ANKFN1: variants seen among roughly 807,000 people sequenced by gnomAD.
The protein encoded by ANKFN1 is ankyrin repeat and fibronectin type III domain containing 1, also known as ankyrin repeat and fibronectin type-III domain-containing protein 1.
ANKFN1 carries 74 observed loss-of-function variants against 108.7 expected under a neutral mutation model. That is an observed-to-expected ratio of 0.68 (90% CI 0.56 to 0.83). The LOEUF (loss-of-function observed/expected upper bound fraction) is 0.83, where lower values mean the gene tolerates loss of function less well. Among genes scored for constraint, ANKFN1 ranks in the 40% least tolerant of loss-of-function variants. The probability of loss-of-function intolerance (pLI) is 0.00; values close to 1 mark genes in which losing one functional copy is unlikely to be tolerated. For synonymous variants in ANKFN1, 547 were observed against 516.2 expected, an observed-to-expected ratio of 1.06 and a Z score of -0.81; for missense variants, 1,505 against 1,382.3, an observed-to-expected ratio of 1.09 and a Z score of -1.41.
chr17:56,143,187 G>A (rs1908033193), intron 4 of ANKFN1, among the ~76,000 whole-genome samples: 1 of 152,210 alleles, frequency 6.6e-6, no homozygotes, highest in African/African-American at 2.4e-5. Flanking sequence ...TTCACGCATG[G>A]TAGGCTAGAG....
chr17:56,375,094 A>T (rs2046910523), intron 8 of ANKFN1, among the ~76,000 whole-genome samples: 1 of 152,222 alleles, frequency 6.6e-6, no homozygotes, highest in African/African-American at 2.4e-5. Flanking sequence ...AGGGGTTAAA[A>T]AAAACAATAA....
intron 1 of ANKFN1, among the ~76,000 whole-genome samples, chr17:56,187,744 A>G (rs1912367023): frequency 1.3e-5 from 2 of 152,218 alleles, no homozygotes; most frequent in East Asian, 1.9e-4. Flanking sequence ...ATGGAATACT[A>G]TGCAGCCATA....
At chr17:56,327,592 T>C (rs2045557230) in intron 4 of ANKFN1, among the ~76,000 whole-genome samples, 1 of 152,184 alleles carries the variant, frequency 6.6e-6, no homozygotes, top group African/African-American at 2.4e-5. Flanking sequence ...CCCAGGTGAT[T>C]TGGCTATTTC....
chr17:56,182,472 A>G (rs1349561560), intron 1 of ANKFN1, among the ~76,000 whole-genome samples: 1 of 152,220 alleles, frequency 6.6e-6, no homozygotes, highest in Non-Finnish European at 1.5e-5. Context: ...TTTCCCAAAG[A>G]CAAAACCTAG....
At chr17:56,308,310 G>C (rs948610268) in intron 3 of ANKFN1, among the ~76,000 whole-genome samples, 3 of 151,554 alleles carry the variant, frequency 2.0e-5, no homozygotes, top group Admixed American at 1.3e-4. Flanking sequence ...ATTTTTTTGA[G>C]CAATTGTAAA....
chr17:56,156,687 G>A (rs1341144410), intron 1 of ANKFN1: 1 of 152,274 alleles, frequency 6.6e-6, no homozygotes, highest in Non-Finnish European at 1.5e-5. Context: ...GTTAAGGTCA[G>A]GGCTGTGTCT....
At chr17:56,179,711 G>A (rs1225274018) in intron 1 of ANKFN1, among the ~76,000 whole-genome samples, 2 of 152,178 alleles carry the variant, frequency 1.3e-5, no homozygotes, top group African/African-American at 2.4e-5. Flanking sequence ...AATCTTGGTT[G>A]CTTCATCTGT....
intron 8 of ANKFN1, among the ~76,000 whole-genome samples, chr17:56,375,161 G>A (rs893360529): frequency 2.0e-5 from 3 of 152,220 alleles, no homozygotes; most frequent in Non-Finnish European, 2.9e-5. Flanking sequence ...GTATATTGGA[G>A]GTCAGGAAAG....
At chr17:56,449,031 C>A (rs1598627342) in intron 10 of ANKFN1, 48 bp from the exon 11 acceptor site, 1 of 1,535,530 alleles carries the variant, frequency 6.5e-7, no homozygotes, top group African/African-American at 1.4e-5. Context: ...AAGGAAGAGG[C>A]CTCCCCTGTT....
intron 6 of ANKFN1, among the ~76,000 whole-genome samples, chr17:56,365,312 T>C (rs1320204121): frequency 1.3e-5 from 2 of 152,192 alleles, no homozygotes; most frequent in African/African-American, 2.4e-5. Context: ...GGGTTTTTGA[T>C]GGAAGAACAT....
intron 4 of ANKFN1, among the ~76,000 whole-genome samples, chr17:56,327,633 C>A (rs1490738402): frequency 6.6e-6 from 1 of 152,074 alleles, no homozygotes; most frequent in African/African-American, 2.4e-5. Context: ...AGCAAGGAGA[C>A]CGAGTTGCCT....
chr17:56,050,644 T>C (rs1211366881), intron 4 of ANKFN1, among the ~76,000 whole-genome samples: 2 of 151,552 alleles, frequency 1.3e-5, no homozygotes, highest in African/African-American at 4.8e-5. Context: ...ATTTATTAAA[T>C]AGGGAATCCT....
At chr17:56,381,646 C>G (rs2047108251) in intron 8 of ANKFN1, among the ~76,000 whole-genome samples, 1 of 152,130 alleles carries the variant, frequency 6.6e-6, no homozygotes, top group Non-Finnish European at 1.5e-5. Context: ...AATGCAGAAG[C>G]CTCAGGAGCC....
At chr17:56,399,002 A>T (rs1334323126) in intron 8 of ANKFN1, among the ~76,000 whole-genome samples, 1 of 152,300 alleles carries the variant, frequency 6.6e-6, no homozygotes, top group East Asian at 1.9e-4. Flanking sequence ...AGGAAAATTC[A>T]TAAGTAGCTC....
At chr17:56,378,718 G>A (rs754240033) in intron 8 of ANKFN1, among the ~76,000 whole-genome samples, 2 of 152,170 alleles carry the variant, frequency 1.3e-5, no homozygotes, top group Non-Finnish European at 2.9e-5. Flanking sequence ...GAAATGTTAC[G>A]TCCAGAGGAC....
chr17:56,053,635 T>G (rs1904815825), intron 4 of ANKFN1, among the ~76,000 whole-genome samples: 1 of 152,220 alleles, frequency 6.6e-6, no homozygotes, highest in Non-Finnish European at 1.5e-5. Context: ...ATATCTTGAA[T>G]GTACTGATTT....
At chr17:56,067,415 T>C in intron 4 of ANKFN1, among the ~76,000 whole-genome samples, 1 of 152,200 alleles carries the variant, frequency 6.6e-6, no homozygotes, top group Non-Finnish European at 1.5e-5. Flanking sequence ...TCTGCCTTCC[T>C]CGGTGCCTTC....
At chr17:56,475,907 G>T (rs1160758335) in intron 15 of ANKFN1, among the ~76,000 whole-genome samples, 1 of 152,138 alleles carries the variant, frequency 6.6e-6, no homozygotes, top group Admixed American at 6.5e-5. Context: ...GATAATTTAT[G>T]AGGAAGTTTA....
intron 1 of ANKFN1, among the ~76,000 whole-genome samples, chr17:56,198,478 C>T (rs1913724475): frequency 6.6e-6 from 1 of 152,158 alleles, no homozygotes; most frequent in African/African-American, 2.4e-5. Context: ...TTTGCTTGCT[C>T]ACCCACTGCT....
Sources: gnomAD v4.1 joint callset for allele counts (sites outside exome capture counted in the v4.1 genomes callset) on GRCh38, gnomAD v4.1.1 for gene constraint, MANE v1.5 for transcripts, NCBI Gene and HGNC (gene_info 2026-07-23, HGNC 2026-07-21) for gene names.